Variants in RFX3 observed in about 807,000 individuals in gnomAD.
RFX3 encodes regulatory factor X3, also known as transcription factor RFX3.
RFX3 carries 14 observed loss-of-function variants against 98.6 expected under a neutral mutation model. That is an observed-to-expected ratio of 0.14 (90% CI 0.09 to 0.22). RFX3 has a LOEUF of 0.22. Among genes scored for constraint, RFX3 ranks in the 10% least tolerant of loss-of-function variants. The pLI, the probability that RFX3 is intolerant of heterozygous loss-of-function variation, is 1.00. For synonymous variants in RFX3, 383 were observed against 328.4 expected (o/e 1.17, Z -1.80); for missense variants, 639 against 926.9 (o/e 0.69, Z 4.03).
chr9:3,492,897 T>C (rs201295089), intron 1 of RFX3, among the ~76,000 whole-genome samples: 6 of 152,196 alleles, frequency 3.9e-5, no homozygotes, highest in East Asian at 1.9e-4. Flanking sequence ...TGGAGAAATA[T>C]AGTGAGTGAG....
chr9:3,504,956 A>ATG (rs772076547), intron 1 of RFX3, among the ~76,000 whole-genome samples: 5 of 61,736 alleles, frequency 8.1e-5, no homozygotes, highest in Admixed American at 3.2e-4. Flanking sequence ...TATAATATAT[A>ATG]TTATATATAA....
At position 3,471,689 on chromosome 9, in the gene RFX3, T is replaced by C. The variant is rs117452954; in HGVS notation, c.-9+54058A>G. ...AGATTTTGAATGATCAAGAATAAGG[T>C]GGCTAGTTATTAGAAAAAATCCTCC... On this transcript the variant is annotated intron_variant, in intron 1 of 16. Coordinates refer to ENST00000617270, the MANE Select transcript of RFX3 (RefSeq NM_001282116.2). Among the ~76,000 whole-genome samples, 1,346 of 152,302 alleles carry C rather than the reference T, an allele frequency of 8.8e-3. 10 individuals carry two copies. Among genetic ancestry groups the C allele is most frequent in the Non-Finnish European group, 0.014 (955 of 68,026 alleles).
intron 15 of RFX3, among the ~76,000 whole-genome samples, chr9:3,229,100 C>T (rs1052264822): frequency 6.6e-6 from 1 of 152,198 alleles, no homozygotes; most frequent in Non-Finnish European, 1.5e-5. Context: ...CTGTCTTAGC[C>T]TCTTCGCAGA....
intron 1 of RFX3, among the ~76,000 whole-genome samples, chr9:3,448,472 C>A (rs902661444): frequency 6.6e-6 from 1 of 152,146 alleles, no homozygotes; most frequent in African/African-American, 2.4e-5. Flanking sequence ...CTGAGGCCCT[C>A]CCACAATACA....
At chr9:3,338,957 C>T (rs541515662) in intron 3 of RFX3, among the ~76,000 whole-genome samples, 2 of 151,972 alleles carry the variant, frequency 1.3e-5, no homozygotes, top group African/African-American at 4.8e-5. Flanking sequence ...GGCGTGGTGG[C>T]GTGTGGCTGC....
At chr9:3,485,000 C>A (rs77990003) in intron 1 of RFX3, among the ~76,000 whole-genome samples, 13,818 of 151,302 alleles carry the variant, frequency 0.091, 1,929 homozygotes, top group African/African-American at 0.3. Flanking sequence ...TTGGGAGGCT[C>A]AGGCAGGAGG....
chr9:3,414,753 TGA>T (rs1269507143), intron 1 of RFX3, among the ~76,000 whole-genome samples: 1 of 132,780 alleles, frequency 7.5e-6, no homozygotes, highest in African/African-American at 2.8e-5. Context: ...TGAGTATATA[TGA>T]GTATATATGT....
chr9:3,472,467 T>G (rs905647751), intron 1 of RFX3, among the ~76,000 whole-genome samples: 1 of 152,194 alleles, frequency 6.6e-6, no homozygotes, highest in Non-Finnish European at 1.5e-5. Context: ...AAAATTTATG[T>G]AATAATTATT....
chr9:3,507,124 C>T (rs946040674), intron 1 of RFX3, among the ~76,000 whole-genome samples: 1 of 151,804 alleles, frequency 6.6e-6, no homozygotes, highest in Admixed American at 6.6e-5. Flanking sequence ...AGCTTATAAA[C>T]AATTTAAAAA....
chr9:3,221,340 C>T lies in RFX3; in HGVS notation c.*3702G>A, dbSNP rs1426792547. The T allele has an allele frequency of 6.6e-6, 1 of 152,112 alleles. No individual in the cohort carries two copies. Among genetic ancestry groups the T allele is most frequent in the Non-Finnish European group, 1.5e-5 (1 of 67,994 alleles). 9.4% of individuals were successfully genotyped at this position (152,112 alleles called of 1,614,324 possible). On this transcript the variant is annotated 3_prime_UTR_variant, in exon 17 of 17. Transcript: ENST00000617270. Reference sequence around the variant, plus strand: ...AGATTCATGATTACGGCACTAAAACCGTATTCATTCCTGAATAACTTTTAC... The same window carrying T: ...AGATTCATGATTACGGCACTAAAACTGTATTCATTCCTGAATAACTTTTAC...
In RFX3 at chr9:3,432,632, G is replaced by A. The variant is rs747021606; in HGVS notation, c.-8-37036C>T. Among the ~76,000 whole-genome samples, 33 of 152,286 alleles carry A rather than the reference G, an allele frequency of 2.2e-4. 1 individual carries two copies. The highest frequency in any genetic ancestry group is 7.8e-4 in the Admixed American group (12 of 15,292). On this transcript the variant is annotated intron_variant, in intron 1 of 16. Transcript: ENST00000617270. ...AAGGTTTGAAGACATGGATCTTGGAGAAATCCAAGAACAGACACCACACCA... is the reference window on the plus strand; with the variant it reads ...AAGGTTTGAAGACATGGATCTTGGAAAAATCCAAGAACAGACACCACACCA...
chr9:3,365,559 C>T (rs1326158985), intron 2 of RFX3, among the ~76,000 whole-genome samples: 5 of 152,074 alleles, frequency 3.3e-5, no homozygotes, highest in Admixed American at 6.5e-5. Context: ...AGAGTAGCAA[C>T]CATAATACTC....
Position 3,301,562 on chromosome 9 carries a change from G to C in RFX3, c.533C>G (p.Ser178Cys), listed in dbSNP as rs757346391. 4 of 1,600,186 alleles carry C rather than the reference G, an allele frequency of 2.5e-6. No individual in the cohort carries two copies. In the African/African-American group the frequency reaches 5.4e-5, roughly 21 times the overall value. The change falls in exon 5 of 17, where the codon TCT becomes TGT. Residue 178 changes from serine (S) to cysteine (C), a missense_variant. This residue lies in a region of RFX3 where 16 missense variants were observed against 30.0 expected (regional missense o/e 0.53). Coordinates refer to ENST00000617270, the MANE Select transcript of RFX3 (RefSeq NM_001282116.2). ...KSDGLSTHRS[S>C]LLNSHLQWLL... is the part of the protein sequence containing the mutation. ...GCAACTTACATGGCTGTTGAGAAGA[G>C]AGCTTCTGTGAGTGGACAGACCGTC...
chr9:3,270,628 A>G, intron 10 of RFX3, 103 bp from the exon 11 acceptor site: 2 of 1,164,082 alleles, frequency 1.7e-6, no homozygotes, highest in Non-Finnish European at 1.2e-6. Context: ...CTGAGGTTAG[A>G]ACTATACCAC....
At chr9:3,525,516 G>A (rs933306372) in intron 1 of RFX3, among the ~76,000 whole-genome samples, 2 of 151,778 alleles carry the variant, frequency 1.3e-5, no homozygotes, top group Admixed American at 6.6e-5. Flanking sequence ...GCCGGCGGGC[G>A]GCGCGGCGCC....
chr9:3,365,227 G>A (rs1836914961), intron 2 of RFX3, among the ~76,000 whole-genome samples: 1 of 145,946 alleles, frequency 6.9e-6, no homozygotes, highest in Non-Finnish European at 1.5e-5. Flanking sequence ...TTGAACCCAG[G>A]AAGTGGAGGT....
Position 3,517,528 on chromosome 9 carries a change from A to G in RFX3, c.-9+8219T>C, listed in dbSNP as rs372026515. ...TTTTGCCTAAACAGGAATTACCAAG[A>G]ACCTTCAGAAATCTTGACCAAGCAC... On this transcript the variant is annotated intron_variant, in intron 1 of 16. Coordinates refer to ENST00000617270, the MANE Select transcript of RFX3 (RefSeq NM_001282116.2). 5.6e-4 allele frequency among the ~76,000 whole-genome samples: 86 copies of G among 152,290 alleles called. 1 individual carries two copies. The highest frequency in any genetic ancestry group is 3.4e-3 in the Middle Eastern group (1 of 294).
intron 1 of RFX3, among the ~76,000 whole-genome samples, chr9:3,479,416 A>T (rs10972200): frequency 0.12 from 18,778 of 152,110 alleles, 2,117 homozygotes; most frequent in East Asian, 0.57. Context: ...TTGATTTTTT[A>T]AAAATATACT....
chr9:3,383,971 C>A (rs7022711), intron 2 of RFX3, among the ~76,000 whole-genome samples: 36,494 of 151,864 alleles, frequency 0.24, 5,005 homozygotes, highest in African/African-American at 0.38. Context: ...GTAAGTGTTC[C>A]ATTAAATTAA....
Sources: allele counts gnomAD v4.1 joint callset (sites outside exome capture counted in the v4.1 genomes callset), GRCh38; gene constraint gnomAD v4.1.1; regional missense constraint gnomAD v4.1.1; transcripts MANE v1.5; gene names NCBI Gene and HGNC (gene_info 2026-07-23, HGNC 2026-07-21).